Variants in SPHKAP observed in about 807,000 individuals in gnomAD.
The protein encoded by SPHKAP is SPHK1 interactor, AKAP domain containing.
A neutral mutation model predicts 137.5 loss-of-function variants in SPHKAP; 67 were observed. The ratio of observed to expected loss-of-function variants is 0.49; its 90% CI spans 0.40 to 0.60. The LOEUF is 0.60. Among genes scored for constraint, SPHKAP ranks in the 20% least tolerant of loss-of-function variants. SPHKAP has a pLI of 0.00. For missense variants in SPHKAP, 2,097 were observed against 2,069.3 expected (o/e 1.01, Z -0.26); for synonymous variants, 813 against 785.3 (o/e 1.04, Z -0.59).
chr2:227,994,354 A>G (rs1377435793), intron 8 of SPHKAP, among the ~76,000 whole-genome samples: 1 of 152,218 alleles, frequency 6.6e-6, no homozygotes, highest in Non-Finnish European at 1.5e-5. Context: ...TGACTGAAAC[A>G]CAGCAAAGTT....
intron 1 of SPHKAP, among the ~76,000 whole-genome samples, chr2:228,140,389 A>T (rs1051651976): frequency 4.5e-4 from 68 of 152,200 alleles, no homozygotes; most frequent in African/African-American, 1.5e-3. Flanking sequence ...TAATTGCTTC[A>T]TATTCCCGTG....
At chr2:228,027,584 CCTGA>C (rs746318942) in intron 3 of SPHKAP, 41 bp from the exon 4 acceptor site, 3 of 1,592,560 alleles carry the variant, frequency 1.9e-6, no homozygotes, top group African/African-American at 1.3e-5. Context: ...AAGTCAAAAA[CCTGA>C]CTGTCTTTTT....
chr2:228,023,577 T>G (rs1694919553), intron 5 of SPHKAP, among the ~76,000 whole-genome samples: 1 of 152,174 alleles, frequency 6.6e-6, no homozygotes, highest in African/African-American at 2.4e-5. Flanking sequence ...TTCCACTGAG[T>G]TTAGACACAC....
At chr2:228,090,647 T>G (rs2106325571) in intron 3 of SPHKAP, among the ~76,000 whole-genome samples, 1 of 152,182 alleles carries the variant, frequency 6.6e-6, no homozygotes, top group Middle Eastern at 3.4e-3. Context: ...GTGGGAGGTG[T>G]TTTGGTTTGG....
chr2:228,028,316 C>T lies in SPHKAP; in HGVS notation c.247-773G>A, dbSNP rs143838217. On this transcript the variant is annotated intron_variant, in intron 3 of 11. Transcript: ENST00000392056. The stretch of plus-strand genomic sequence containing the variant: ...TAATGTAGTGCATAATAAGCCAGGA[C>T]TCCTCTTTGCCACATTGTTTTAGTT... Among the ~76,000 whole-genome samples, 342 of 152,328 alleles carry T rather than the reference C, an allele frequency of 2.2e-3. 1 individual carries two copies. The highest frequency in any genetic ancestry group is 4.5e-3 in the Non-Finnish European group (307 of 68,026).
chr2:228,029,837 T>A (rs1695210766), intron 3 of SPHKAP, among the ~76,000 whole-genome samples: 1 of 152,174 alleles, frequency 6.6e-6, no homozygotes, highest in Non-Finnish European at 1.5e-5. Flanking sequence ...AGATTTTCCA[T>A]TCACCTTAAA....
At chr2:228,118,407 TA>T (rs1242268269) in intron 2 of SPHKAP, among the ~76,000 whole-genome samples, 1 of 152,086 alleles carries the variant, frequency 6.6e-6, no homozygotes. Context: ...ATGAAATTAC[TA>T]AGTCATATGG....
intron 7 of SPHKAP, among the ~76,000 whole-genome samples, chr2:228,000,625 AT>A (rs1404243418): frequency 8.6e-5 from 13 of 151,012 alleles, no homozygotes; most frequent in Non-Finnish European, 1.5e-4. Context: ...AAAAAAAATA[AT>A]AATAATAAAA....
chr2:228,109,546 C>A (rs1698451248), intron 2 of SPHKAP: 1 of 164,174 alleles, frequency 6.1e-6, no homozygotes, highest in African/African-American at 2.4e-5. Flanking sequence ...ATTAACAAAA[C>A]CAAATATGAC....
In SPHKAP at chr2:228,001,469, A is replaced by G. The variant is rs1161094900; in HGVS notation, c.4449-5775T>C. On this transcript the variant is annotated intron_variant, in intron 7 of 11. Transcript: ENST00000392056. ...TGTATATATACGAATATATACGTAT[A>G]TATAAAAATATATATACGTATATAT... 2.1e-5 allele frequency among the ~76,000 whole-genome samples: 3 copies of G among 143,968 alleles called. No individual in the cohort carries two copies. In the East Asian group the frequency reaches 6.0e-4, roughly 29 times the overall value. The allele number at this position is 143,968 out of a possible 152,430, so 94.4% of individuals were successfully genotyped here.
intron 1 of SPHKAP, among the ~76,000 whole-genome samples, chr2:228,160,370 C>T (rs1321582225): frequency 6.6e-6 from 1 of 152,152 alleles, no homozygotes; most frequent in African/African-American, 2.4e-5. Context: ...GTAATTTATA[C>T]AGGAAAGAGG....
In SPHKAP at chr2:228,016,599, G is replaced by T; in HGVS notation, c.4255C>A (p.Arg1419=). ...QDPVPINHKR[R]SLCSREVPLI... is the part of the protein sequence containing the mutation. ...GGCACTTCCCTCGAGCAAAGTGATC[G>T]CCTTTTGTGGTTTATTGGTACAGGG... is the stretch of plus-strand genomic sequence containing the variant. The change falls in exon 7 of 12, where the codon CGA becomes AGA. Residue 1419 remains arginine (R), a synonymous_variant. Coordinates refer to ENST00000392056, the MANE Select transcript of SPHKAP (RefSeq NM_001142644.2). 1 of 1,613,884 alleles carries T rather than the reference G, an allele frequency of 6.2e-7. No individual in the cohort carries two copies. Among genetic ancestry groups the T allele is most frequent in the Non-Finnish European group, 8.5e-7 (1 of 1,179,988 alleles).
At chr2:228,099,125 A>G (rs1698102464) in intron 3 of SPHKAP, among the ~76,000 whole-genome samples, 1 of 152,124 alleles carries the variant, frequency 6.6e-6, no homozygotes, top group Non-Finnish European at 1.5e-5. Flanking sequence ...ATCCAGAATG[A>G]TATTTCCTAG....
chr2:228,143,882 C>T (rs370760776), intron 1 of SPHKAP, among the ~76,000 whole-genome samples: 7 of 152,100 alleles, frequency 4.6e-5, no homozygotes, highest in Non-Finnish European at 7.4e-5. Flanking sequence ...GTCCTTGCCA[C>T]GGACTACCAA....
In SPHKAP at chr2:228,075,648, G is replaced by A. The variant is rs141339666; in HGVS notation, c.246+33184C>T. On this transcript the variant is annotated intron_variant, in intron 3 of 11. Coordinates refer to ENST00000392056, the MANE Select transcript of SPHKAP (RefSeq NM_001142644.2). ...CAGTATCATTCTTGAAAATGATGCC[G>A]GATTACTCTTCAGAAGGAAAAGAAA... Among the ~76,000 whole-genome samples, 133 of 152,014 alleles carry A rather than the reference G, an allele frequency of 8.7e-4. No individual in the cohort carries two copies. The East Asian group carries it at 8.9e-3, about 10-fold the overall frequency.
At chr2:228,003,924 G>T (rs1008888920) in intron 7 of SPHKAP, among the ~76,000 whole-genome samples, 1 of 152,170 alleles carries the variant, frequency 6.6e-6, no homozygotes. Flanking sequence ...ACTTGATCAT[G>T]GTGATAAGCT....
At chr2:227,992,277 G>A (rs1693442547) in intron 9 of SPHKAP, among the ~76,000 whole-genome samples, 4 of 152,182 alleles carry the variant, frequency 2.6e-5, no homozygotes, top group Admixed American at 2.6e-4. Context: ...GAGAGAAAGA[G>A]TATAGTAATT....
chr2:228,164,467 A>G (rs1700363136), intron 1 of SPHKAP, among the ~76,000 whole-genome samples: 1 of 152,174 alleles, frequency 6.6e-6, no homozygotes. Flanking sequence ...CAGCCCCCAA[A>G]CATTGTGGTA....
Position 228,019,736 on chromosome 2 carries a change from T to C in SPHKAP, c.1118A>G (p.Asp373Gly), listed in dbSNP as rs761969914. The change falls in exon 7 of 12, where the codon GAC (aspartate) becomes GGC (glycine). Residue 373 changes from aspartate (D) to glycine (G), a missense_variant. Physicochemically the swap from Asp to Gly is moderately conservative, Grantham distance 94. Coordinates refer to ENST00000392056, the MANE Select transcript of SPHKAP (RefSeq NM_001142644.2). Reference sequence around the variant, plus strand: ...TCTAGGAGGGAGAGCGTTTCTTGTGTCTTCATGGTCTCCTGGGTTTAGGTT... The same window carrying C: ...TCTAGGAGGGAGAGCGTTTCTTGTGCCTTCATGGTCTCCTGGGTTTAGGTT... ...RSNLNPGDHE[D>G]TRNALPPRQD... 1.9e-6 allele frequency: 3 copies of C among 1,614,234 alleles called. No individual in the cohort carries two copies. In the East Asian group the frequency reaches 6.7e-5, roughly 36 times the overall value.
Sources: gnomAD v4.1 joint callset for allele counts (sites outside exome capture counted in the v4.1 genomes callset) on GRCh38, gnomAD v4.1.1 for gene constraint, MANE v1.5 for transcripts, NCBI Gene and HGNC (gene_info 2026-07-23, HGNC 2026-07-21) for gene names.